The following ZNF385D variants were observed in gnomAD, a reference collection of about 807,000 sequenced individuals.
ZNF385D encodes the protein zinc finger protein 385D, also known as zinc finger protein 659.
A neutral mutation model predicts 35.8 loss-of-function variants in ZNF385D; 15 were observed. That is an observed-to-expected ratio of 0.42 (90% CI 0.28 to 0.64). The LOEUF is 0.64. Among genes scored for constraint, ZNF385D ranks in the 30% least tolerant of loss-of-function variants. The pLI, the probability that ZNF385D is intolerant of heterozygous loss-of-function variation, is 0.23. For missense variants in ZNF385D, 474 were observed against 494.6 expected (o/e 0.96, Z 0.39); for synonymous variants, 212 against 186.8 (o/e 1.13, Z -1.10).
chr3:22,239,826 T>A (rs1459450986), intron 2 of ZNF385D, among the ~76,000 whole-genome samples: 1 of 150,758 alleles, frequency 6.6e-6, no homozygotes, highest in African/African-American at 2.5e-5. Flanking sequence ...TAATGCAGAA[T>A]AAGTGACATG....
intron 3 of ZNF385D, among the ~76,000 whole-genome samples, chr3:21,866,115 T>C (rs1265254894): frequency 6.6e-6 from 1 of 151,964 alleles, no homozygotes. Flanking sequence ...TGTAAACATA[T>C]GTAGAAAAAT....
chr3:21,475,512 C>A (rs73131594), intron 4 of ZNF385D, among the ~76,000 whole-genome samples: 1 of 151,960 alleles, frequency 6.6e-6, no homozygotes, highest in African/African-American at 2.4e-5. Context: ...AAAGGTTTAT[C>A]TTTTCTTAAA....
intron 3 of ZNF385D, among the ~76,000 whole-genome samples, chr3:22,122,171 A>G (rs1422511317): frequency 6.6e-6 from 1 of 152,036 alleles, no homozygotes; most frequent in Non-Finnish European, 1.5e-5. Context: ...CCTTGGGTAA[A>G]AATCTGACTG....
At chr3:22,113,400 C>T (rs539406300) in intron 3 of ZNF385D, among the ~76,000 whole-genome samples, 7 of 152,126 alleles carry the variant, frequency 4.6e-5, no homozygotes, top group South Asian at 4.2e-4. Flanking sequence ...TTTCTCTAAT[C>T]GTTCATTTTT....
intron 2 of ZNF385D, among the ~76,000 whole-genome samples, chr3:22,272,534 C>T (rs1701229379): frequency 1.3e-5 from 2 of 151,920 alleles, no homozygotes; most frequent in Admixed American, 6.6e-5. Flanking sequence ...GGAGCAGAAA[C>T]CTCTGCTTTT....
At position 21,813,905 on chromosome 3, in the gene ZNF385D, T is replaced by C. The variant is rs188636147; in HGVS notation, c.326-148877A>G. On this transcript the variant is annotated intron_variant, in intron 3 of 5. Coordinates refer to the ZNF385D transcript ENST00000494108. ...AACTCCAAGACACATAATTGTCAGA[T>C]TCACCAAAGTTGAAATGAAGGTAAA... 4.1e-3 allele frequency among the ~76,000 whole-genome samples: 617 copies of C among 152,208 alleles called. 7 individuals are homozygous for C. Among genetic ancestry groups the C allele is most frequent in the African/African-American group, 0.014 (601 of 41,522 alleles).
intron 3 of ZNF385D, among the ~76,000 whole-genome samples, chr3:21,807,923 G>C (rs757440739): frequency 6.6e-6 from 1 of 152,084 alleles, no homozygotes; most frequent in African/African-American, 2.4e-5. Context: ...TTTATAGAAG[G>C]AAATTGTTTC....
intron 3 of ZNF385D, among the ~76,000 whole-genome samples, chr3:22,161,140 A>G (rs1009663575): frequency 2.5e-4 from 38 of 152,216 alleles, no homozygotes; most frequent in African/African-American, 8.7e-4. Context: ...GGCAAATATG[A>G]GTAAAATCTT....
intron 2 of ZNF385D, among the ~76,000 whole-genome samples, chr3:22,323,568 TA>T (rs1694542964): frequency 6.6e-6 from 1 of 152,204 alleles, no homozygotes; most frequent in African/African-American, 2.4e-5. Context: ...GGAATTTAGC[TA>T]AAGACAGCTA....
intron 2 of ZNF385D, among the ~76,000 whole-genome samples, chr3:21,583,550 T>A: frequency 6.6e-6 from 1 of 152,192 alleles, no homozygotes; most frequent in East Asian, 1.9e-4. Context: ...TAGGACTTTT[T>A]TTCTGCTGAT....
At chr3:21,969,366 G>C (rs2125336655) in intron 3 of ZNF385D, among the ~76,000 whole-genome samples, 1 of 152,202 alleles carries the variant, frequency 6.6e-6, no homozygotes, top group African/African-American at 2.4e-5. Flanking sequence ...GTTCTCACAA[G>C]ATCTGATGGT....
intron 4 of ZNF385D, among the ~76,000 whole-genome samples, chr3:21,485,157 T>C (rs1332008597): frequency 1.3e-5 from 2 of 152,180 alleles, no homozygotes; most frequent in Non-Finnish European, 2.9e-5. Flanking sequence ...GTCCTAAGTT[T>C]AAACTGAATT....
rs532431146 is a variant in ZNF385D, at chr3:21,847,078, T to C, written c.326-182050A>G. Among the ~76,000 whole-genome samples, 197 of 152,170 alleles carry C rather than the reference T, an allele frequency of 1.3e-3. 1 individual carries two copies. Among genetic ancestry groups the C allele is most frequent in the Non-Finnish European group, 2.1e-3 (144 of 67,978 alleles). On this transcript the variant is annotated intron_variant, in intron 3 of 5. Coordinates refer to the ZNF385D transcript ENST00000494108. The stretch of plus-strand genomic sequence containing the variant: ...GAACTTTTTCAGTTGAAGTTATTTC[T>C]AAATTCTAATCCCCTACCAGCTGTC...
At chr3:22,290,599 G>A (rs551386739) in intron 2 of ZNF385D, among the ~76,000 whole-genome samples, 6 of 152,102 alleles carry the variant, frequency 3.9e-5, no homozygotes, top group Non-Finnish European at 5.9e-5. Context: ...GCCTCTGCCC[G>A]CCCCTCCTTC....
intron 2 of ZNF385D, among the ~76,000 whole-genome samples, chr3:22,181,492 C>A (rs559608031): frequency 2.0e-5 from 3 of 151,978 alleles, no homozygotes; most frequent in African/African-American, 7.2e-5. Flanking sequence ...GTCAGGAGAT[C>A]GAGACCATGC....
chr3:21,993,947 G>A (rs760012218), intron 3 of ZNF385D, among the ~76,000 whole-genome samples: 1 of 152,060 alleles, frequency 6.6e-6, no homozygotes, highest in Non-Finnish European at 1.5e-5. Flanking sequence ...TTAAGTTACT[G>A]GATTTTAAGG....
chr3:22,079,380 T>A (rs1355052882), intron 3 of ZNF385D, among the ~76,000 whole-genome samples: 2 of 151,230 alleles, frequency 1.3e-5, no homozygotes, highest in African/African-American at 2.5e-5. Context: ...ATTAATTATA[T>A]AATTAATATA....
At chr3:21,629,403 CA>C (rs1260181360) in intron 2 of ZNF385D, among the ~76,000 whole-genome samples, 1 of 152,068 alleles carries the variant, frequency 6.6e-6, no homozygotes, top group African/African-American at 2.4e-5. Flanking sequence ...TGTCTATTAC[CA>C]GGTAAGAAAG....
At chr3:21,784,107 T>C (rs954531093) in intron 3 of ZNF385D, among the ~76,000 whole-genome samples, 7 of 152,332 alleles carry the variant, frequency 4.6e-5, no homozygotes, top group African/African-American at 1.4e-4. Flanking sequence ...AAGTTTGTCA[T>C]TTAGTGAACT....
Sources: gnomAD v4.1 joint callset for allele counts (sites outside exome capture counted in the v4.1 genomes callset) on GRCh38, gnomAD v4.1.1 for gene constraint, MANE v1.5 for transcripts, NCBI Gene and HGNC (gene_info 2026-07-23, HGNC 2026-07-21) for gene names.